Variants in NRROS observed in about 807,000 individuals in gnomAD.
The protein encoded by NRROS is transforming growth factor beta activator LRRC33.
Under a neutral mutation model 12.0 loss-of-function variants are expected in NRROS, and 6 were observed. That is an observed-to-expected ratio of 0.50 (90% CI 0.27 to 0.98). The LOEUF is 0.98. Among genes scored for constraint, NRROS ranks in the 50% least tolerant of loss-of-function variants. The probability of loss-of-function intolerance (pLI) is 0.11; values close to 1 mark genes in which losing one functional copy is unlikely to be tolerated. For missense variants in NRROS, 857 were observed against 888.2 expected, an observed-to-expected ratio of 0.96 and a Z score of 0.45; for synonymous variants, 462 against 410.2, an observed-to-expected ratio of 1.13 and a Z score of -1.53.
intron 1 of NRROS, among the ~76,000 whole-genome samples, chr3:196,647,719 C>T (rs1342698122): frequency 2.0e-5 from 3 of 152,134 alleles, no homozygotes; most frequent in Admixed American, 6.5e-5. Flanking sequence ...CCACTATGCT[C>T]GGCTAATTTT....
At chr3:196,656,904 T>C (rs1246219274) in intron 2 of NRROS, among the ~76,000 whole-genome samples, 1 of 152,008 alleles carries the variant, frequency 6.6e-6, no homozygotes, top group Non-Finnish European at 1.5e-5. Context: ...CATTTGACCT[T>C]ATTAGAAAGT....
intron 1 of NRROS, among the ~76,000 whole-genome samples, chr3:196,652,632 G>A (rs1737450687): frequency 6.6e-6 from 1 of 152,174 alleles, no homozygotes; most frequent in African/African-American, 2.4e-5. Flanking sequence ...GGAGGAAGGA[G>A]AGGATATGTT....
At chr3:196,653,442 G>A (rs1161137623) in intron 1 of NRROS, among the ~76,000 whole-genome samples, 1 of 152,256 alleles carries the variant, frequency 6.6e-6, no homozygotes, top group Non-Finnish European at 1.5e-5. Context: ...CAGGTGGGGT[G>A]AGCTGGTGCC....
intron 1 of NRROS, among the ~76,000 whole-genome samples, chr3:196,647,217 T>G (rs1214175783): frequency 6.6e-6 from 1 of 152,198 alleles, no homozygotes; most frequent in Non-Finnish European, 1.5e-5. Flanking sequence ...AGAACTTGAG[T>G]CATTGAATCA....
Position 196,660,946 on chromosome 3 carries a change from C to T in NRROS, c.1303C>T (p.His435Tyr). ...GAACATCACTACACTTGACATGAGC[C>T]ACAATCAGATCTCACTTTGTCCCCT... ...ARNITTLDMS[H>Y]NQISLCPLPA... Residue 435 changes from histidine to tyrosine, a missense_variant, in exon 3 of 3, where the codon CAC (histidine) becomes TAC (tyrosine). Physicochemically the swap from His to Tyr is moderately conservative, Grantham distance 83. Coordinates refer to ENST00000328557, the MANE Select transcript of NRROS (RefSeq NM_198565.3). The surrounding 1 kb of genome is among the most constrained non-coding windows in gnomAD (Gnocchi z 7.7). 2 of 1,614,218 alleles carry T rather than the reference C, an allele frequency of 1.2e-6. No individual in the cohort carries two copies. The highest frequency in any genetic ancestry group is 1.7e-6 in the Non-Finnish European group (2 of 1,180,046).
At chr3:196,642,655 C>G (rs1737230654) in intron 1 of NRROS, among the ~76,000 whole-genome samples, 1 of 152,132 alleles carries the variant, frequency 6.6e-6, no homozygotes, top group African/African-American at 2.4e-5. Flanking sequence ...TAGGCCCCGC[C>G]CTGGAACCAG....
intron 1 of NRROS, among the ~76,000 whole-genome samples, chr3:196,648,371 G>A (rs1414992914): frequency 2.0e-5 from 3 of 152,062 alleles, no homozygotes; most frequent in East Asian, 1.9e-4. Flanking sequence ...CTTGTTATCC[G>A]ACCTGCAGAC....
intron 1 of NRROS, among the ~76,000 whole-genome samples, chr3:196,647,900 C>T (rs980075806): frequency 6.6e-6 from 1 of 152,160 alleles, no homozygotes; most frequent in African/African-American, 2.4e-5. Context: ...CGGGGTTTCT[C>T]TATGTTGGCC....
chr3:196,650,452 AT>A (rs142721175), intron 1 of NRROS, among the ~76,000 whole-genome samples: 2 of 150,742 alleles, frequency 1.3e-5, no homozygotes, highest in Non-Finnish European at 3.0e-5. Flanking sequence ...CCATTTTTGT[AT>A]TTTTTTTAGA....
At chr3:196,651,755 A>G (rs1737432103) in intron 1 of NRROS, among the ~76,000 whole-genome samples, 1 of 152,168 alleles carries the variant, frequency 6.6e-6, no homozygotes, top group Non-Finnish European at 1.5e-5. Flanking sequence ...AACAAGAGCA[A>G]AACTCCGTCT....
Position 196,660,382 on chromosome 3 carries a change from G to A in NRROS, c.739G>A (p.Glu247Lys), listed in dbSNP as rs748494162. ...GGAGTGGTTCCTCGCGACCGGGGGA[G>A]AGGCTGCCTTCGAGCTGGAGACGCT... is the stretch of plus-strand genomic sequence containing the variant. Reference protein sequence around the residue: ...VLEWFLATGGEAAFELETLDL... With the variant: ...VLEWFLATGGKAAFELETLDL... Residue 247 changes from glutamate (E) to lysine (K), a missense_variant, in exon 3 of 3, where the codon GAG becomes AAG. Physicochemically the swap from Glu to Lys is moderately conservative, Grantham distance 56. Coordinates refer to ENST00000328557, the MANE Select transcript of NRROS (RefSeq NM_198565.3). This position sits in a 1 kb window ranked among gnomAD's most constrained non-coding sequence, Gnocchi z 7.7. The A allele has an allele frequency of 1.9e-6, 3 of 1,613,888 alleles. No homozygotes were observed. The highest frequency in any genetic ancestry group is 1.7e-5 in the Admixed American group (1 of 60,004).
chr3:196,642,211 G>A (rs972407441), intron 1 of NRROS, among the ~76,000 whole-genome samples: 3 of 149,762 alleles, frequency 2.0e-5, no homozygotes, highest in East Asian at 3.9e-4. Flanking sequence ...CAATAAACCC[G>A]AGTTCAAGAA....
Position 196,660,796 on chromosome 3 carries a change from C to T in NRROS, c.1153C>T (p.His385Tyr), listed in dbSNP as rs1352319799. Reference sequence around the variant, plus strand: ...AGCGCTCACCGAGCTGGACCTGAGCCACAACCAGCTGTCGGAGCTGCACCT... The same window carrying T: ...AGCGCTCACCGAGCTGGACCTGAGCTACAACCAGCTGTCGGAGCTGCACCT... ...PGALTELDLS[H>Y]NQLSELHLAP... The change falls in exon 3 of 3, where the codon CAC becomes TAC. Residue 385 changes from histidine to tyrosine, a missense_variant. His to Tyr is a moderately conservative substitution (Grantham distance 83, BLOSUM62 2). Coordinates refer to ENST00000328557, the MANE Select transcript of NRROS (RefSeq NM_198565.3). The surrounding 1 kb of genome is among the most constrained non-coding windows in gnomAD (Gnocchi z 7.7). 3 of 1,613,630 alleles carry T rather than the reference C, an allele frequency of 1.9e-6. No individual in the cohort carries two copies. The highest frequency in any genetic ancestry group is 2.5e-6 in the Non-Finnish European group (3 of 1,180,030).
At chr3:196,655,045 T>C (rs930281640) in intron 2 of NRROS, 27 of 187,228 alleles carry the variant, frequency 1.4e-4, no homozygotes, top group Non-Finnish European at 5.6e-5. Context: ...GAGACTAGCC[T>C]GGGCAACATG....
intron 2 of NRROS, among the ~76,000 whole-genome samples, chr3:196,657,740 C>T (rs1285204574): frequency 7.2e-5 from 11 of 151,818 alleles, no homozygotes; most frequent in East Asian, 1.9e-4. Flanking sequence ...AATTCTCTTC[C>T]AGAGTACTTT....
Position 196,660,624 on chromosome 3 carries a change from C to T in NRROS, c.981C>T (p.Leu327=). ...SLWEEFSSSD[L]ADLRFLDMSQ... is the part of the protein sequence containing the mutation. The stretch of plus-strand genomic sequence containing the variant: ...GGGAAGAATTCTCCTCCAGCGACCT[C>T]GCAGATCTCCGCTTCCTGGACATGA... The change falls in exon 3 of 3, where the codon CTC becomes CTT. Residue 327 remains leucine, a synonymous_variant. Coordinates refer to ENST00000328557, the MANE Select transcript of NRROS (RefSeq NM_198565.3). The surrounding 1 kb of genome is among the most constrained non-coding windows in gnomAD (Gnocchi z 7.7). 3 of 1,614,214 alleles carry T rather than the reference C, an allele frequency of 1.9e-6. No homozygotes were observed. Among genetic ancestry groups the T allele is most frequent in the Middle Eastern group, 1.6e-4 (1 of 6,062 alleles).
At chr3:196,645,827 T>C (rs1197200926) in intron 1 of NRROS, among the ~76,000 whole-genome samples, 1 of 152,086 alleles carries the variant, frequency 6.6e-6, no homozygotes, top group African/African-American at 2.4e-5. Context: ...CCCCTGGACA[T>C]CCCAGGGTCC....
chr3:196,659,752 G>T lies in NRROS; in HGVS notation c.109G>T (p.Val37Leu), dbSNP rs1228946792. 1.2e-6 allele frequency: 2 copies of T among 1,605,270 alleles called. No individual in the cohort carries two copies. Among genetic ancestry groups the T allele is most frequent in the African/African-American group, 2.7e-5 (2 of 74,770 alleles). The stretch of plus-strand genomic sequence containing the variant: ...CTGACCGGTGTGGTTTTGGCCGCAG[G>T]TGGGTGGAGCCGCTGACTGCCGAGG... ...TAASQGVCKL[V>L]GGAADCRGQS... is the part of the protein sequence containing the mutation. The change falls in exon 3 of 3, where the codon GTG becomes TTG. Residue 37 changes from valine (V) to leucine (L), a missense_variant and splice_region_variant. Physicochemically the swap from Val to Leu is conservative, Grantham distance 32 (BLOSUM62 1). Coordinates refer to ENST00000328557, the MANE Select transcript of NRROS (RefSeq NM_198565.3).
chr3:196,659,095 C>G (rs1171714696), intron 2 of NRROS, among the ~76,000 whole-genome samples: 1 of 152,188 alleles, frequency 6.6e-6, no homozygotes, highest in Non-Finnish European at 1.5e-5. Context: ...CGTGTGCTTT[C>G]TGCAGTGCGA....
Sources: gnomAD v4.1 joint callset for allele counts (sites outside exome capture counted in the v4.1 genomes callset) on GRCh38, gnomAD v4.1.1 for gene constraint, Gnocchi (gnomAD v3.1) non-coding constraint, MANE v1.5 for transcripts, NCBI Gene and HGNC (gene_info 2026-07-23, HGNC 2026-07-21) for gene names.